The following CPLANE1 variants were observed in gnomAD, a reference collection of about 807,000 sequenced individuals.
CPLANE1 encodes ciliogenesis and planar polarity effector complex subunit 1.
Under a neutral mutation model 362.5 loss-of-function variants are expected in CPLANE1, and 263 were observed. The ratio of observed to expected loss-of-function variants is 0.73; its 90% CI spans 0.66 to 0.80. The LOEUF (loss-of-function observed/expected upper bound fraction) is 0.80. Among genes scored for constraint, CPLANE1 ranks in the 30% least tolerant of loss-of-function variants. The pLI, the probability that CPLANE1 is intolerant of heterozygous loss-of-function variation, is 0.00. For missense variants in CPLANE1, 3,461 were observed against 3,793.4 expected (o/e 0.91, Z 2.30); for synonymous variants, 1,212 against 1,302.6 (o/e 0.93, Z 1.50).
intron 15 of CPLANE1, among the ~76,000 whole-genome samples, chr5:37,216,333 C>T (rs1794087803): frequency 2.0e-5 from 3 of 152,166 alleles, no homozygotes. Flanking sequence ...CACTTGAGTC[C>T]GTCCAGGAGT....
chr5:37,225,832 G>T (rs1231018481), intron 12 of CPLANE1, among the ~76,000 whole-genome samples: 1 of 124,566 alleles, frequency 8.0e-6, no homozygotes, highest in African/African-American at 3.0e-5. Context: ...CAGCCTGGGG[G>T]ACAAGAGTGT....
Position 37,184,936 on chromosome 5 carries a change from C to T in CPLANE1, c.4333G>A (p.Ala1445Thr). The change falls in exon 25 of 53, where the codon GCT becomes ACT. Residue 1445 changes from alanine to threonine, a missense_variant. Transcript: ENST00000651892. ...EPIEEEKPDEAPGVDRYSLGT... is the reference protein window; with the variant it reads ...EPIEEEKPDETPGVDRYSLGT... Reference sequence around the variant, plus strand: ...AGGGAATATCTGTCAACACCTGGAGCCTCATCTGGTTTCTCTTCTTCAATT... The same window carrying T: ...AGGGAATATCTGTCAACACCTGGAGTCTCATCTGGTTTCTCTTCTTCAATT... 6.2e-7 allele frequency: 1 copy of T among 1,614,112 alleles called. No individual in the cohort carries two copies. The highest frequency in any genetic ancestry group is 1.7e-5 in the Admixed American group (1 of 60,002).
rs143378953 is a variant in CPLANE1 at position 37,168,829 on chromosome 5, A to G, written c.7195T>C (p.Leu2399=). ...PIAEERKYPR[L]SLLHSHLSPE... is the part of the protein sequence containing the mutation. ...GACAAATGTGAATGAAGTAATGACA[A>G]TCTTGGGTATTTTCTTTCTTCTGCT... Residue 2399 remains leucine, a synonymous_variant, in exon 34 of 53, where the codon TTG becomes CTG. Transcript: ENST00000651892. 1.5e-5 allele frequency: 24 copies of G among 1,613,380 alleles called. No individual in the cohort carries two copies. The African/African-American group carries it at 3.2e-4, about 22-fold the overall frequency.
In CPLANE1 at chr5:37,170,320, G is replaced by T; in HGVS notation, c.6183C>A (p.Ile2061=). ...CTATTTGCATTAGGCTCATGAAGTTGATCTGTTGCAGCTTGAATAAAACAA... is the reference window on the plus strand; with the variant it reads ...CTATTTGCATTAGGCTCATGAAGTTTATCTGTTGCAGCTTGAATAAAACAA... ...EMFKLVQLQQ[I]NFMSLMQIVG... is the part of the protein sequence containing the mutation. The change falls in exon 33 of 53, where the codon ATC becomes ATA. Residue 2061 remains isoleucine (I), a synonymous_variant. Coordinates refer to ENST00000651892, the MANE Select transcript of CPLANE1 (RefSeq NM_001384732.1). 1.9e-6 allele frequency: 3 copies of T among 1,612,232 alleles called. No homozygotes were observed. The South Asian group carries it at 3.3e-5, about 18-fold the overall frequency.
chr5:37,180,373 T>C (rs1474165140), intron 27 of CPLANE1, among the ~76,000 whole-genome samples, 190 bp from the exon 28 acceptor site: 1 of 152,138 alleles, frequency 6.6e-6, no homozygotes, highest in African/African-American at 2.4e-5. Flanking sequence ...TTATAAAATC[T>C]TTCTTTAAAA....
Position 37,198,732 on chromosome 5 carries a change from C to T in CPLANE1, c.3642G>A (p.Gln1214=), listed in dbSNP as rs924586845. The change falls in exon 20 of 53, where the codon CAG becomes CAA. Residue 1214 remains glutamine, a synonymous_variant. Transcript: ENST00000651892. ...SFPVAQWYIL[Q]LRWARKVMQK... is the part of the protein sequence containing the mutation. Reference sequence around the variant, plus strand: ...GCATGACTTTTCTTGCCCACCTCAACTGCAATATATACCACTGTGCTACAG... The same window carrying T: ...GCATGACTTTTCTTGCCCACCTCAATTGCAATATATACCACTGTGCTACAG... The T allele has an allele frequency of 6.2e-7, 1 of 1,614,030 alleles. No homozygotes were observed. Among genetic ancestry groups the T allele is most frequent in the Non-Finnish European group, 8.5e-7 (1 of 1,179,974 alleles).
chr5:37,153,228 C>A (rs772344682), intron 42 of CPLANE1, among the ~76,000 whole-genome samples: 4 of 152,032 alleles, frequency 2.6e-5, no homozygotes, highest in Non-Finnish European at 5.9e-5. Context: ...TAAAATGTCC[C>A]AACAAACAAA....
intron 16 of CPLANE1, chr5:37,210,810 C>G: frequency 9.6e-7 from 1 of 1,047,072 alleles, no homozygotes; most frequent in Admixed American, 1.7e-5. Flanking sequence ...TGCGGTCTTT[C>G]AGAAAGAACT....
intron 8 of CPLANE1, among the ~76,000 whole-genome samples, chr5:37,233,281 C>G (rs1463292966): frequency 6.6e-6 from 1 of 152,084 alleles, no homozygotes; most frequent in Non-Finnish European, 1.5e-5. Context: ...TCAGGCACTC[C>G]TGGGAGGCTC....
chr5:37,246,680 C>T (rs1017238210), intron 2 of CPLANE1, among the ~76,000 whole-genome samples: 1 of 152,100 alleles, frequency 6.6e-6, no homozygotes, highest in Non-Finnish European at 1.5e-5. Flanking sequence ...GCAGCATCAG[C>T]AACACCTCAG....
At chr5:37,187,666 C>T (rs1580549296) in intron 22 of CPLANE1, 67 bp downstream of exon 22, 10 of 1,550,842 alleles carry the variant, frequency 6.4e-6, no homozygotes, top group South Asian at 5.9e-5. Flanking sequence ...ACAATAAAAT[C>T]TTCTTTTAAA....
chr5:37,140,934 ATGTGGC>A (rs1487267164), intron 44 of CPLANE1: 1 of 983,976 alleles, frequency 1.0e-6, no homozygotes, highest in Non-Finnish European at 1.2e-6. Flanking sequence ...TCTTCTTCCA[ATGTGGC>A]TCAGGGAAGC....
chr5:37,148,132 A>C, intron 43 of CPLANE1, 49 bp downstream of exon 43: 1 of 1,386,494 alleles, frequency 7.2e-7, no homozygotes, highest in Non-Finnish European at 1.0e-6. Context: ...ACATTCTTTC[A>C]GATCAACTAA....
chr5:37,117,566 G>A (rs1443547497), intron 50 of CPLANE1, among the ~76,000 whole-genome samples: 1 of 152,168 alleles, frequency 6.6e-6, no homozygotes, highest in African/African-American at 2.4e-5. Context: ...ACACAGAAGT[G>A]AGACATTCAA....
chr5:37,085,478 T>C, the CPLANE1 span: 1 of 821,908 alleles, frequency 1.2e-6, no homozygotes. Context: ...TGGTGACTCA[T>C]GATGCTCACA....
downstream of CPLANE1, among the ~76,000 whole-genome samples, chr5:37,105,170 C>T (rs186817130): frequency 1.3e-5 from 2 of 151,800 alleles, no homozygotes; most frequent in South Asian, 2.1e-4. Context: ...CATGGTGGTG[C>T]GCACCTGGAG....
At chr5:37,151,139 C>T (rs560451720) in intron 42 of CPLANE1, among the ~76,000 whole-genome samples, 1 of 152,308 alleles carries the variant, frequency 6.6e-6, no homozygotes, top group Admixed American at 6.5e-5. Context: ...ACCTCTACTG[C>T]CAGATGTCTT....
chr5:37,205,124 T>C (rs1325959746), intron 18 of CPLANE1, 191 bp downstream of exon 18: 2 of 343,386 alleles, frequency 5.8e-6, no homozygotes, highest in Non-Finnish European at 9.8e-6. Flanking sequence ...GCCACTGCAC[T>C]CCAGCCTGGG....
Position 37,187,223 on chromosome 5 carries a change from C to T in CPLANE1, c.4080+191G>A, listed in dbSNP as rs77210276. 0.086 allele frequency among the ~76,000 whole-genome samples: 13,104 copies of T among 152,154 alleles called. 767 individuals carry two copies. The highest frequency in any genetic ancestry group is 0.14 in the Middle Eastern group (40 of 294). ...ACAACCACCATTCCACTCTCTGCTT[C>T]CGTGAGTTTAACATTTTTATATTCC... On this transcript the variant is annotated intron_variant, in intron 23 of 52. Transcript: ENST00000651892.
Sources: allele counts gnomAD v4.1 joint callset (sites outside exome capture counted in the v4.1 genomes callset), GRCh38; gene constraint gnomAD v4.1.1; transcripts MANE v1.5; gene names NCBI Gene and HGNC (gene_info 2026-07-23, HGNC 2026-07-21).